Variants in NOX4 observed in about 807,000 individuals in gnomAD.
NOX4 encodes the protein kidney oxidase-1.
In NOX4, 69 loss-of-function variants were observed where a neutral mutation model predicts 87.6. That is an observed-to-expected ratio of 0.79 (90% CI 0.65 to 0.96). The LOEUF (loss-of-function observed/expected upper bound fraction) is 0.96. Among genes scored for constraint, NOX4 ranks in the 40% least tolerant of loss-of-function variants. The pLI, the probability that NOX4 is intolerant of heterozygous loss-of-function variation, is 0.00. For synonymous variants in NOX4, 275 were observed against 238.2 expected, an observed-to-expected ratio of 1.15 and a Z score of -1.42; for missense variants, 680 against 681.5, an observed-to-expected ratio of 1.00 and a Z score of 0.02.
At chr11:89,493,553 A>C (rs967167478), upstream of NOX4, among the ~76,000 whole-genome samples, 1 of 151,990 alleles carries the variant, frequency 6.6e-6, no homozygotes, top group Admixed American at 6.5e-5. Context: ...GTTATTACTT[A>C]TGGCTATTAT....
At chr11:89,545,852 T>G in the NOX4 span, 1 of 152,306 alleles carries the variant, frequency 6.6e-6, no homozygotes, top group Admixed American at 6.5e-5. Context: ...GACAGTCCTC[T>G]GACTTCGGAG....
chr11:89,510,134 C>T, the NOX4 span, among the ~76,000 whole-genome samples: 1 of 152,096 alleles, frequency 6.6e-6, no homozygotes, highest in African/African-American at 2.4e-5. Context: ...GACATCTAGG[C>T]AGGAAGGAGA....
intron 2 of NOX4, among the ~76,000 whole-genome samples, chr11:89,474,947 AATG>A (rs1421738227): frequency 6.6e-6 from 1 of 151,736 alleles, no homozygotes; most frequent in Non-Finnish European, 1.5e-5. Flanking sequence ...TATTCTACAC[AATG>A]ATGTTTTTCA....
At chr11:89,387,062 CT>C (rs1349445145) in intron 11 of NOX4, among the ~76,000 whole-genome samples, 3 of 152,108 alleles carry the variant, frequency 2.0e-5, no homozygotes, top group Non-Finnish European at 4.4e-5. Flanking sequence ...CATGCCACCC[CT>C]AATCCTGCTT....
chr11:89,510,415 C>A, the NOX4 span, among the ~76,000 whole-genome samples: 1 of 152,078 alleles, frequency 6.6e-6, no homozygotes, highest in Non-Finnish European at 1.5e-5. Context: ...TTTCTGAGAT[C>A]TTCTCTGGCT....
the NOX4 span, among the ~76,000 whole-genome samples, chr11:89,512,946 G>C: frequency 6.6e-6 from 1 of 152,118 alleles, no homozygotes; most frequent in East Asian, 1.9e-4. Context: ...AACATACTCA[G>C]TTCTGAAAAT....
At chr11:89,538,178 T>C in the NOX4 span, among the ~76,000 whole-genome samples, 1 of 152,244 alleles carries the variant, frequency 6.6e-6, no homozygotes, top group Non-Finnish European at 1.5e-5. Context: ...GTTCCATTCA[T>C]CTATGTGCCA....
the NOX4 span, among the ~76,000 whole-genome samples, chr11:89,537,440 C>T: frequency 6.6e-6 from 1 of 151,080 alleles, no homozygotes; most frequent in Non-Finnish European, 1.5e-5. Flanking sequence ...TATAGTTATA[C>T]ATAAGTATCT....
At chr11:89,548,065 G>C in the NOX4 span, 1 of 151,656 alleles carries the variant, frequency 6.6e-6, no homozygotes, top group African/African-American at 2.4e-5. Flanking sequence ...TGAGATGGAG[G>C]AAGACTAAAT....
At chr11:89,502,351 T>C (rs935045744), upstream of NOX4, among the ~76,000 whole-genome samples, 5 of 152,072 alleles carry the variant, frequency 3.3e-5, no homozygotes, top group African/African-American at 1.2e-4. Flanking sequence ...GTAGGAGTAA[T>C]GGGTTAAACT....
intron 2 of NOX4, among the ~76,000 whole-genome samples, chr11:89,467,970 A>C (rs1393131346): frequency 6.6e-6 from 1 of 152,208 alleles, no homozygotes; most frequent in African/African-American, 2.4e-5. Context: ...TGTGTGTTAC[A>C]TATAGGAGGG....
At chr11:89,467,077 G>A (rs1011499015) in intron 2 of NOX4, among the ~76,000 whole-genome samples, 1 of 151,968 alleles carries the variant, frequency 6.6e-6, no homozygotes, top group African/African-American at 2.4e-5. Flanking sequence ...GGCCGGGCAC[G>A]GTGGCTCACA....
the NOX4 span, among the ~76,000 whole-genome samples, chr11:89,515,383 T>C: frequency 9.3e-3 from 1,413 of 152,030 alleles, 11 homozygotes; most frequent in Middle Eastern, 0.02. Context: ...AAAATATCTG[T>C]TCAAATTTTT....
chr11:89,452,681 TATC>T (rs1262606372), intron 2 of NOX4, among the ~76,000 whole-genome samples: 1 of 152,018 alleles, frequency 6.6e-6, no homozygotes, highest in Non-Finnish European at 1.5e-5. Flanking sequence ...CCAAAACACT[TATC>T]ATTTCTTTGT....
the NOX4 span, among the ~76,000 whole-genome samples, chr11:89,512,752 T>A: frequency 3.9e-5 from 6 of 152,118 alleles, no homozygotes; most frequent in Non-Finnish European, 1.5e-5. Context: ...AAACATCACT[T>A]GACCATTAAA....
the NOX4 span, among the ~76,000 whole-genome samples, chr11:89,550,513 T>C: frequency 3.9e-5 from 6 of 152,164 alleles, no homozygotes; most frequent in African/African-American, 1.4e-4. Context: ...TCCTATCTCA[T>C]TGTGGTTTTG....
chr11:89,386,744 A>T (rs1313062629), intron 11 of NOX4, among the ~76,000 whole-genome samples: 3 of 152,134 alleles, frequency 2.0e-5, no homozygotes, highest in Admixed American at 2.0e-4. Flanking sequence ...CTGCTGTATG[A>T]CAACATAAAA....
chr11:89,554,401 A>G, the NOX4 span, among the ~76,000 whole-genome samples: 1 of 152,136 alleles, frequency 6.6e-6, no homozygotes, highest in African/African-American at 2.4e-5. Context: ...TTTAAATTTC[A>G]GCTGCATAAT....
chr11:89,555,076 TATA>T, the NOX4 span, among the ~76,000 whole-genome samples: 2 of 152,122 alleles, frequency 1.3e-5, no homozygotes, highest in Non-Finnish European at 2.9e-5. Context: ...GTACAAGACT[TATA>T]ATAGTTTCCT....
Sources: allele counts gnomAD v4.1 joint callset (sites outside exome capture counted in the v4.1 genomes callset), GRCh38; gene constraint gnomAD v4.1.1; transcripts MANE v1.5; gene names NCBI Gene and HGNC (gene_info 2026-07-23, HGNC 2026-07-21).